CDH12: variants seen among roughly 807,000 people sequenced by gnomAD.
CDH12 encodes cadherin 12, also known as cadherin-12.
CDH12 carries 41 observed loss-of-function variants against 74.1 expected under a neutral mutation model. That is an observed-to-expected ratio of 0.55 (90% CI 0.43 to 0.72). The LOEUF (loss-of-function observed/expected upper bound fraction) is 0.72, where lower values mean the gene tolerates loss of function less well. Ranked by LOEUF, CDH12 falls within the 30% of genes least tolerant of loss-of-function variation. The pLI, the probability that CDH12 is intolerant of heterozygous loss-of-function variation, is 0.00. For missense variants in CDH12, 945 were observed against 977.2 expected (o/e 0.97, Z 0.44); for synonymous variants, 399 against 355.0 (o/e 1.12, Z -1.39).
intron 1 of CDH12, among the ~76,000 whole-genome samples, chr5:22,613,031 T>A (rs1379832897): frequency 6.6e-6 from 1 of 152,132 alleles, no homozygotes; most frequent in African/African-American, 2.4e-5. Flanking sequence ...GTATCATTCA[T>A]ATTCCTGAAT....
intron 4 of CDH12, among the ~76,000 whole-genome samples, chr5:22,169,988 A>T (rs73742057): frequency 2.5e-4 from 38 of 150,086 alleles, no homozygotes; most frequent in South Asian, 6.3e-4. Flanking sequence ...ACTGCTTATT[A>T]AAAATATGCC....
At chr5:22,535,880 A>T (rs529745970) in intron 1 of CDH12, among the ~76,000 whole-genome samples, 144 of 152,334 alleles carry the variant, frequency 9.5e-4, no homozygotes, top group Non-Finnish European at 1.7e-3. Flanking sequence ...ACAGATGAAA[A>T]ATATTTTTTA....
chr5:21,949,777 A>G (rs1755751491), intron 6 of CDH12, among the ~76,000 whole-genome samples: 1 of 152,242 alleles, frequency 6.6e-6, no homozygotes, highest in Non-Finnish European at 1.5e-5. Context: ...TGTGTACAAT[A>G]TGCGTTTTAA....
chr5:22,448,610 C>T (rs938895935), intron 2 of CDH12, among the ~76,000 whole-genome samples: 14 of 150,764 alleles, frequency 9.3e-5, no homozygotes, highest in Non-Finnish European at 4.4e-5. Flanking sequence ...TTTAAATCTC[C>T]TTTTGACTAT....
At chr5:21,856,424 T>G (rs1750756923) in intron 6 of CDH12, among the ~76,000 whole-genome samples, 1 of 151,756 alleles carries the variant, frequency 6.6e-6, no homozygotes, top group African/African-American at 2.4e-5. Flanking sequence ...AACTATAAAT[T>G]GTTCTACATG....
chr5:22,460,932 C>T (rs545678177), intron 2 of CDH12, among the ~76,000 whole-genome samples: 3 of 147,916 alleles, frequency 2.0e-5, no homozygotes, highest in Non-Finnish European at 4.5e-5. Flanking sequence ...TGTTGGTCAG[C>T]CTGGTCTCAA....
intron 2 of CDH12, among the ~76,000 whole-genome samples, chr5:22,455,788 A>G (rs554883697): frequency 7.4e-4 from 112 of 152,302 alleles, no homozygotes; most frequent in African/African-American, 2.6e-3. Context: ...ACACTTTAAA[A>G]GGAGCATCTA....
intron 1 of CDH12, among the ~76,000 whole-genome samples, chr5:22,599,465 G>A (rs1204096589): frequency 2.6e-5 from 4 of 152,094 alleles, no homozygotes; most frequent in East Asian, 1.9e-4. Flanking sequence ...TATAGTGCAC[G>A]CTGATAAATC....
At chr5:21,858,246 A>G (rs896226457) in intron 6 of CDH12, among the ~76,000 whole-genome samples, 1 of 151,954 alleles carries the variant, frequency 6.6e-6, no homozygotes, top group African/African-American at 2.4e-5. Context: ...TTAACAACTT[A>G]GTAAAGCATA....
intron 2 of CDH12, among the ~76,000 whole-genome samples, chr5:22,412,489 C>T (rs1166207968): frequency 6.6e-6 from 1 of 151,876 alleles, no homozygotes; most frequent in Non-Finnish European, 1.5e-5. Context: ...ATAAGCTAAA[C>T]ACTTTTTCTT....
chr5:22,434,433 C>A (rs1189138479), intron 2 of CDH12, among the ~76,000 whole-genome samples: 1 of 152,034 alleles, frequency 6.6e-6, no homozygotes, highest in East Asian at 1.9e-4. Flanking sequence ...AAATTTTCCC[C>A]ATTTTGCATT....
intron 1 of CDH12, among the ~76,000 whole-genome samples, chr5:22,730,866 A>G (rs182471684): frequency 8.2e-4 from 125 of 151,984 alleles, no homozygotes; most frequent in African/African-American, 2.9e-3. Flanking sequence ...ACTACAATAG[A>G]CACAATAAAA....
At chr5:21,765,133 C>A in intron 11 of CDH12, 34 bp from the exon 12 acceptor site, 1 of 1,473,256 alleles carries the variant, frequency 6.8e-7, no homozygotes, top group Non-Finnish European at 9.0e-7. Flanking sequence ...AAGATGATTA[C>A]AAAATCCGGT....
chr5:22,459,364 A>C (rs1745411087), intron 2 of CDH12, among the ~76,000 whole-genome samples: 1 of 152,312 alleles, frequency 6.6e-6, no homozygotes, highest in South Asian at 2.1e-4. Context: ...ACAATCAATA[A>C]AAATTAATGT....
chr5:22,428,225 ACACAC>A (rs1276674795), intron 2 of CDH12, among the ~76,000 whole-genome samples: 1 of 150,194 alleles, frequency 6.7e-6, no homozygotes, highest in Non-Finnish European at 1.5e-5. Context: ...ACACACACAC[ACACAC>A]AATCTATGTG....
At chr5:22,533,070 A>G (rs1737665622) in intron 1 of CDH12, among the ~76,000 whole-genome samples, 2 of 152,104 alleles carry the variant, frequency 1.3e-5, no homozygotes, top group African/African-American at 4.8e-5. Context: ...GTTCCCAGGT[A>G]TTGCACCCTG....
intron 6 of CDH12, chr5:21,882,824 G>A: frequency 1.3e-6 from 2 of 1,554,206 alleles, no homozygotes; most frequent in South Asian, 1.1e-5. Flanking sequence ...AAGATGGTGT[G>A]ACTGTTGCAA....
At chr5:22,644,016 C>T (rs1426334207) in intron 1 of CDH12, among the ~76,000 whole-genome samples, 3 of 152,000 alleles carry the variant, frequency 2.0e-5, no homozygotes, top group African/African-American at 7.2e-5. Flanking sequence ...TGTCTGTTCT[C>T]TGTCTGCTCT....
chr5:22,179,818 T>A (rs6452065), intron 4 of CDH12, among the ~76,000 whole-genome samples: 48,656 of 151,960 alleles, frequency 0.32, 8,078 homozygotes, highest in South Asian at 0.39. Flanking sequence ...AGTTGAGAGA[T>A]TTAGGAAGGT....
Sources: gnomAD v4.1 joint callset for allele counts (sites outside exome capture counted in the v4.1 genomes callset) on GRCh38, gnomAD v4.1.1 for gene constraint, MANE v1.5 for transcripts, NCBI Gene and HGNC (gene_info 2026-07-23, HGNC 2026-07-21) for gene names.